The following DLG2 variants were observed in gnomAD, a reference collection of about 807,000 sequenced individuals.
DLG2 encodes disks large homolog 2.
Under a neutral mutation model 132.5 loss-of-function variants are expected in DLG2, and 45 were observed. The observed-to-expected ratio is 0.34, with a 90% confidence interval of 0.27 to 0.44. The LOEUF (loss-of-function observed/expected upper bound fraction) is 0.44. Ranked by LOEUF, DLG2 falls within the 20% of genes least tolerant of loss-of-function variation. The probability of loss-of-function intolerance (pLI) is 1.00; values close to 1 mark genes in which losing one functional copy is unlikely to be tolerated. For synonymous variants in DLG2, 424 were observed against 419.6 expected (o/e 1.01, Z -0.13); for missense variants, 1,045 against 1,196.9 (o/e 0.87, Z 1.87).
At chr11:84,522,404 G>C (rs578129084) in intron 7 of DLG2, among the ~76,000 whole-genome samples, 4 of 152,224 alleles carry the variant, frequency 2.6e-5, no homozygotes, top group South Asian at 2.1e-4. Flanking sequence ...GTGGGGAGTT[G>C]TTCTGTTCTA....
At chr11:84,448,034 A>C (rs1393337630) in intron 7 of DLG2, among the ~76,000 whole-genome samples, 3 of 152,130 alleles carry the variant, frequency 2.0e-5, no homozygotes, top group Admixed American at 6.5e-5. Flanking sequence ...ACAGCTACAC[A>C]GTGCTAAAGA....
chr11:83,849,615 G>A (rs890272722), intron 16 of DLG2, among the ~76,000 whole-genome samples: 18 of 152,160 alleles, frequency 1.2e-4, no homozygotes, highest in African/African-American at 4.1e-4. Flanking sequence ...TGCTGAAGGA[G>A]ATCACACTTT....
intron 18 of DLG2, among the ~76,000 whole-genome samples, chr11:83,764,039 A>C (rs560310882): frequency 6.6e-6 from 1 of 152,358 alleles, no homozygotes; most frequent in South Asian, 2.1e-4. Flanking sequence ...TGTTTGAACA[A>C]GAGCCTCTGA....
At chr11:84,187,970 C>T (rs941609488) in intron 8 of DLG2, among the ~76,000 whole-genome samples, 1 of 152,104 alleles carries the variant, frequency 6.6e-6, no homozygotes, top group Non-Finnish European at 1.5e-5. Context: ...GAAATCTTTG[C>T]AGAATGCCCA....
intron 4 of DLG2, among the ~76,000 whole-genome samples, chr11:85,270,641 C>T (rs938455320): frequency 1.3e-5 from 2 of 152,124 alleles, no homozygotes; most frequent in Non-Finnish European, 2.9e-5. Flanking sequence ...GACCAAAATG[C>T]TCAAGATGAT....
At chr11:85,358,985 G>T (rs1222709256) in intron 3 of DLG2, among the ~76,000 whole-genome samples, 1 of 151,862 alleles carries the variant, frequency 6.6e-6, no homozygotes, top group African/African-American at 2.4e-5. Flanking sequence ...ATTTATACTA[G>T]ATTTGCCATT....
intron 17 of DLG2, among the ~76,000 whole-genome samples, chr11:83,827,134 C>A (rs546848616): frequency 1.1e-4 from 16 of 152,012 alleles, no homozygotes; most frequent in African/African-American, 3.9e-4. Context: ...TGAGGTCTGG[C>A]GGCTCATATG....
chr11:84,531,537 C>A (rs759965229), intron 7 of DLG2, among the ~76,000 whole-genome samples: 1 of 152,076 alleles, frequency 6.6e-6, no homozygotes, highest in Non-Finnish European at 1.5e-5. Context: ...TTAGCATAAA[C>A]AACACCTCGA....
chr11:84,796,486 T>C (rs1282784146), intron 6 of DLG2, among the ~76,000 whole-genome samples: 1 of 152,194 alleles, frequency 6.6e-6, no homozygotes, highest in African/African-American at 2.4e-5. Context: ...CTATTACCAG[T>C]GAGTTTTGTA....
intron 8 of DLG2, among the ~76,000 whole-genome samples, chr11:84,206,015 A>T (rs1035351942): frequency 6.6e-6 from 1 of 152,078 alleles, no homozygotes; most frequent in African/African-American, 2.4e-5. Context: ...ACGAGTCTTA[A>T]ATATATTAAA....
At chr11:83,584,958 ACTC>A (rs1212012745) in intron 19 of DLG2, among the ~76,000 whole-genome samples, 1 of 152,048 alleles carries the variant, frequency 6.6e-6, no homozygotes. Context: ...TAGTGAAATT[ACTC>A]CTCTACTTTT....
At position 83,459,395 on chromosome 11, in the gene DLG2, TC is replaced by T. The variant is rs1436598970; in HGVS notation, c.*422del. On this transcript the variant is annotated 3_prime_UTR_variant, in exon 28 of 28. Coordinates refer to ENST00000376104, the MANE Select transcript of DLG2 (RefSeq NM_001142699.3). ...CAAAAGATGTGCATAGTTATAAAAT[TC>T]AAAGTGTACCAATTACAGATGTGGG... 1.9e-5 allele frequency: 3 copies of T among 153,866 alleles called. No individual in the cohort carries two copies. The highest frequency in any genetic ancestry group is 7.2e-5 in the African/African-American group (3 of 41,482). The allele number at this position is 153,866 out of a possible 1,614,324, so 9.5% of individuals were successfully genotyped here.
At chr11:84,652,762 T>C (rs2099683617) in intron 6 of DLG2, among the ~76,000 whole-genome samples, 1 of 152,178 alleles carries the variant, frequency 6.6e-6, no homozygotes, top group Admixed American at 6.5e-5. Context: ...GTTAGACCCA[T>C]CTTACAGATG....
chr11:84,536,713 A>G (rs548011577), intron 6 of DLG2, among the ~76,000 whole-genome samples: 3 of 152,330 alleles, frequency 2.0e-5, no homozygotes, highest in Admixed American at 6.5e-5. Flanking sequence ...TGAGCCAGAA[A>G]AGTAGGAGTC....
At position 83,956,427 on chromosome 11, in the gene DLG2, C is replaced by T. The variant is rs80179485; in HGVS notation, c.1340+6458G>A. Among the ~76,000 whole-genome samples, 492 of 152,310 alleles carry T rather than the reference C, an allele frequency of 3.2e-3. 1 individual carries two copies. The highest frequency in any genetic ancestry group is 0.01 in the African/African-American group (426 of 41,556). On this transcript the variant is annotated intron_variant, in intron 14 of 27. Transcript: ENST00000376104. ...CTCTCTGGGGCTATGGGATTATGGG[C>T]ACCCTCACCTGGATGCCACCACGCT...
chr11:84,468,091 TA>T (rs1034208078), intron 7 of DLG2, among the ~76,000 whole-genome samples: 2 of 151,548 alleles, frequency 1.3e-5, no homozygotes, highest in Non-Finnish European at 3.0e-5. Flanking sequence ...ATGAATAACC[TA>T]AAAAACAAAG....
chr11:84,151,224 T>C (rs2095283449), intron 9 of DLG2, among the ~76,000 whole-genome samples: 1 of 151,956 alleles, frequency 6.6e-6, no homozygotes, highest in African/African-American at 2.4e-5. Flanking sequence ...TGATTCAGTT[T>C]CAGAACTTAT....
chr11:83,539,982 C>G (rs943792915), intron 20 of DLG2, among the ~76,000 whole-genome samples: 1 of 152,114 alleles, frequency 6.6e-6, no homozygotes, highest in Admixed American at 6.5e-5. Flanking sequence ...TATAGTTCAA[C>G]CCCTGTATCC....
At chr11:83,839,459 T>C (rs980090523) in intron 16 of DLG2, among the ~76,000 whole-genome samples, 1 of 152,210 alleles carries the variant, frequency 6.6e-6, no homozygotes, top group African/African-American at 2.4e-5. Flanking sequence ...TATATTTTCC[T>C]GTTAGAGGAT....
Sources: gnomAD v4.1 joint callset for allele counts (sites outside exome capture counted in the v4.1 genomes callset) on GRCh38, gnomAD v4.1.1 for gene constraint, MANE v1.5 for transcripts, NCBI Gene and HGNC (gene_info 2026-07-23, HGNC 2026-07-21) for gene names.